The following GRK5 variants were observed in gnomAD, a reference collection of about 807,000 sequenced individuals.
GRK5 encodes the protein g protein-coupled receptor kinase GRK5.
A neutral mutation model predicts 78.4 loss-of-function variants in GRK5; 40 were observed. That is an observed-to-expected ratio of 0.51 (90% CI 0.40 to 0.66). The LOEUF is 0.66. GRK5 is among the 30% of genes least tolerant of loss of function. GRK5 has a pLI of 0.00. For synonymous variants in GRK5, 289 were observed against 296.8 expected, an observed-to-expected ratio of 0.97 and a Z score of 0.27; for missense variants, 598 against 759.9, an observed-to-expected ratio of 0.79 and a Z score of 2.50.
At chr10:119,447,630 C>A (rs1278413700) in intron 12 of GRK5, among the ~76,000 whole-genome samples, 1 of 152,184 alleles carries the variant, frequency 6.6e-6, no homozygotes, top group Non-Finnish European at 1.5e-5. Context: ...CGATCTGTAT[C>A]ACCTTGATGC....
At chr10:119,411,959 T>C (rs959672793) in intron 4 of GRK5, among the ~76,000 whole-genome samples, 3 of 149,022 alleles carry the variant, frequency 2.0e-5, no homozygotes, top group African/African-American at 7.4e-5. Flanking sequence ...CAAGCAATCC[T>C]CTCGCCTCAG....
chr10:119,249,408 A>G (rs949511946), intron 1 of GRK5, among the ~76,000 whole-genome samples: 2 of 152,264 alleles, frequency 1.3e-5, no homozygotes, highest in African/African-American at 4.8e-5. Context: ...TACTTAGTAC[A>G]TATATCAAAT....
intron 2 of GRK5, among the ~76,000 whole-genome samples, chr10:119,339,920 A>G (rs1361362913): frequency 6.6e-6 from 1 of 152,040 alleles, no homozygotes; most frequent in African/African-American, 2.4e-5. Context: ...AAAACCAACA[A>G]CCAAAGAACA....
intron 2 of GRK5, among the ~76,000 whole-genome samples, chr10:119,355,780 CACAACAACA>C (rs143956516): frequency 0.28 from 42,815 of 151,406 alleles, 6,204 homozygotes; most frequent in East Asian, 0.38. Context: ...AAGACTCTAT[CACAACAACA>C]ACAACAACAA....
At chr10:119,425,268 TACACACACAC>T (rs112640010) in intron 6 of GRK5, among the ~76,000 whole-genome samples, 183 bp downstream of exon 6, 10 of 126,622 alleles carry the variant, frequency 7.9e-5, no homozygotes, top group African/African-American at 2.6e-4. Context: ...CACACACACA[TACACACACAC>T]ACACACACAC....
chr10:119,257,711 G>A (rs995275226), intron 1 of GRK5, among the ~76,000 whole-genome samples: 1 of 152,260 alleles, frequency 6.6e-6, no homozygotes, highest in African/African-American at 2.4e-5. Flanking sequence ...GCAACAGAGC[G>A]AGACTCTGTC....
intron 1 of GRK5, among the ~76,000 whole-genome samples, chr10:119,246,802 G>A (rs1238673630): frequency 1.3e-5 from 2 of 152,224 alleles, no homozygotes; most frequent in Admixed American, 1.3e-4. Context: ...GCTTGGGGTT[G>A]AAAACCTTCA....
At chr10:119,421,179 C>G (rs1467740848) in intron 4 of GRK5, among the ~76,000 whole-genome samples, 1 of 152,244 alleles carries the variant, frequency 6.6e-6, no homozygotes, top group African/African-American at 2.4e-5. Flanking sequence ...GCCTTGGGCC[C>G]TCCTGGACTA....
At chr10:119,380,684 AG>A in intron 2 of GRK5, 130 bp from the exon 3 acceptor site, 2 of 599,372 alleles carry the variant, frequency 3.3e-6, no homozygotes, top group South Asian at 2.0e-5. Flanking sequence ...GAAATGAAGA[AG>A]GCGTTCTGAG....
At chr10:119,222,376 C>T (rs1186157390) in intron 1 of GRK5, among the ~76,000 whole-genome samples, 1 of 152,100 alleles carries the variant, frequency 6.6e-6, no homozygotes, top group Non-Finnish European at 1.5e-5. Flanking sequence ...TCCTAATCCC[C>T]TCCAAGTGCT....
intron 1 of GRK5, among the ~76,000 whole-genome samples, chr10:119,240,527 C>T (rs907298462): frequency 2.0e-5 from 3 of 152,026 alleles, no homozygotes; most frequent in Non-Finnish European, 4.4e-5. Context: ...GATCACCATT[C>T]TAACTGGCAT....
At chr10:119,419,854 C>T (rs984851692) in intron 4 of GRK5, among the ~76,000 whole-genome samples, 4 of 152,238 alleles carry the variant, frequency 2.6e-5, no homozygotes, top group South Asian at 2.1e-4. Context: ...TTCTCTGAGC[C>T]GTGGGGCTCA....
intron 1 of GRK5, among the ~76,000 whole-genome samples, chr10:119,313,173 GTGGTGATGGTGATGATGA>G (rs1850416044): frequency 2.0e-5 from 3 of 148,308 alleles, no homozygotes; most frequent in African/African-American, 2.5e-5. Context: ...GGTAGTGGTG[GTGGTGATGGTGATGATGA>G]TGGTGGTGGT....
intron 1 of GRK5, among the ~76,000 whole-genome samples, chr10:119,315,698 A>G (rs1850473759): frequency 6.6e-6 from 1 of 152,220 alleles, no homozygotes; most frequent in Non-Finnish European, 1.5e-5. Context: ...TTAGTCCTGC[A>G]GACATCACAG....
chr10:119,302,225 C>G (rs1342378235), intron 1 of GRK5, among the ~76,000 whole-genome samples: 2 of 152,190 alleles, frequency 1.3e-5, no homozygotes, highest in Non-Finnish European at 2.9e-5. Context: ...GGCTTCTTCC[C>G]AGCCTGTGGA....
At chr10:119,283,838 C>T (rs1386344079) in intron 1 of GRK5, among the ~76,000 whole-genome samples, 1 of 152,210 alleles carries the variant, frequency 6.6e-6, no homozygotes, top group African/African-American at 2.4e-5. Context: ...ATAACTCTGG[C>T]AAGAGAATGT....
At chr10:119,319,659 A>G (rs1850550903) in intron 1 of GRK5, among the ~76,000 whole-genome samples, 1 of 152,258 alleles carries the variant, frequency 6.6e-6, no homozygotes, top group Non-Finnish European at 1.5e-5. Context: ...ATCCTTTGGG[A>G]AAGCAAATAA....
chr10:119,441,840 A>G (rs1226184163), intron 10 of GRK5, among the ~76,000 whole-genome samples, 159 bp from the exon 11 acceptor site: 4 of 151,916 alleles, frequency 2.6e-5, no homozygotes, highest in African/African-American at 9.7e-5. Context: ...CACTCTCCCA[A>G]GGCTCTTGTG....
intron 2 of GRK5, among the ~76,000 whole-genome samples, chr10:119,371,863 T>G (rs1415047885): frequency 1.3e-5 from 2 of 152,204 alleles, no homozygotes; most frequent in East Asian, 3.8e-4. Context: ...CTGGGCCAGG[T>G]GCTCACATGC....
Sources: gnomAD v4.1 joint callset for allele counts (sites outside exome capture counted in the v4.1 genomes callset) on GRCh38, gnomAD v4.1.1 for gene constraint, MANE v1.5 for transcripts, NCBI Gene and HGNC (gene_info 2026-07-23, HGNC 2026-07-21) for gene names.